Variants in SRBD1 observed in about 807,000 individuals in gnomAD.
SRBD1 encodes the protein S1 RNA binding domain 1, also known as S1 RNA-binding domain-containing protein 1.
In SRBD1, 88 loss-of-function variants were observed where a neutral mutation model predicts 115.3. The ratio of observed to expected loss-of-function variants is 0.76; its 90% CI spans 0.64 to 0.91. The LOEUF (loss-of-function observed/expected upper bound fraction) is 0.91, where lower values mean the gene tolerates loss of function less well. Among genes scored for constraint, SRBD1 ranks in the 40% least tolerant of loss-of-function variants. The probability of loss-of-function intolerance (pLI) is 0.00; values close to 1 mark genes in which losing one functional copy is unlikely to be tolerated. For missense variants in SRBD1, 1,385 were observed against 1,177.4 expected, an observed-to-expected ratio of 1.18 and a Z score of -2.58; for synonymous variants, 509 against 407.7, an observed-to-expected ratio of 1.25 and a Z score of -2.99.
intron 9 of SRBD1, among the ~76,000 whole-genome samples, chr2:45,571,540 A>AAAAAAAAAAAAAAAAAAAC (rs1558486313): frequency 6.8e-6 from 1 of 147,600 alleles, no homozygotes; most frequent in Non-Finnish European, 1.5e-5. Context: ...AAAAAAAAAA[A>AAAAAAAAAAAAAAAAAAAC]AACTGTCCAT....
At chr2:45,447,252 C>T (rs1666564458) in intron 16 of SRBD1, 1 of 152,140 alleles carries the variant, frequency 6.6e-6, no homozygotes, top group Admixed American at 6.6e-5. Flanking sequence ...AGATCAAGAT[C>T]ATCCTGGCCA....
chr2:45,609,553 T>G (rs772164211), intron 1 of SRBD1, among the ~76,000 whole-genome samples: 1 of 152,240 alleles, frequency 6.6e-6, no homozygotes, highest in African/African-American at 2.4e-5. Context: ...CACATTTTTA[T>G]GAGGCCTTTG....
At chr2:45,491,965 G>A (rs1459124900) in intron 14 of SRBD1, among the ~76,000 whole-genome samples, 1 of 129,620 alleles carries the variant, frequency 7.7e-6, no homozygotes. Context: ...AGGATTATAG[G>A]TGCCCACCAT....
intron 8 of SRBD1, 89 bp from the exon 9 acceptor site, chr2:45,573,431 G>T: frequency 2.8e-6 from 4 of 1,440,538 alleles, no homozygotes; most frequent in East Asian, 2.7e-5. Flanking sequence ...AGCAAAAAAA[G>T]TTAAGCCATT....
chr2:45,420,842 T>A (rs1473595802), intron 16 of SRBD1, among the ~76,000 whole-genome samples: 4 of 152,352 alleles, frequency 2.6e-5, no homozygotes, highest in South Asian at 4.1e-4. Flanking sequence ...AGTAGCACTA[T>A]CTTAATCTTT....
intron 15 of SRBD1, among the ~76,000 whole-genome samples, chr2:45,480,452 G>T (rs1669928544): frequency 6.6e-6 from 1 of 152,182 alleles, no homozygotes; most frequent in Non-Finnish European, 1.5e-5. Context: ...GGATGACTTT[G>T]AGGGATTCAA....
At chr2:45,403,206 A>T (rs1047592141) in intron 19 of SRBD1, among the ~76,000 whole-genome samples, 15 of 152,176 alleles carry the variant, frequency 9.9e-5, no homozygotes, top group Non-Finnish European at 1.2e-4. Context: ...TTCAATCCAC[A>T]AGAGATTCTG....
intron 10 of SRBD1, among the ~76,000 whole-genome samples, chr2:45,561,902 CTTAT>C (rs1388723448): frequency 6.6e-6 from 1 of 152,128 alleles, no homozygotes; most frequent in East Asian, 1.9e-4. Context: ...ATACAGAATG[CTTAT>C]TTATATTGTA....
chr2:45,427,159 A>G (rs886146912), intron 16 of SRBD1, among the ~76,000 whole-genome samples: 1 of 152,194 alleles, frequency 6.6e-6, no homozygotes, highest in Non-Finnish European at 1.5e-5. Flanking sequence ...TTGCAATCCT[A>G]GTCTCTAACC....
At chr2:45,389,659 T>C in intron 20 of SRBD1, 60 bp from the exon 21 acceptor site, 1 of 1,504,840 alleles carries the variant, frequency 6.6e-7, no homozygotes, top group Non-Finnish European at 9.0e-7. Flanking sequence ...ACAACATAAC[T>C]TTGTGAATAA....
chr2:45,555,660 GTTTTTGTA>G lies in SRBD1; in HGVS notation c.1410-1938_1410-1931del, dbSNP rs556189188. 6.3e-3 allele frequency among the ~76,000 whole-genome samples: 956 copies of G among 151,664 alleles called. 17 individuals are homozygous for G. Among genetic ancestry groups the G allele is most frequent in the South Asian group, 0.015 (73 of 4,808 alleles). ...CGCCACCATACCCGGCTAATTTTTT[GTTTTTGTA>G]TTTTTAGTAGAGATGGGGTTTCACT... On this transcript the variant is annotated intron_variant, in intron 10 of 20. Coordinates refer to ENST00000263736, the MANE Select transcript of SRBD1 (RefSeq NM_018079.5).
intron 6 of SRBD1, 114 bp downstream of exon 6, chr2:45,581,579 A>C: frequency 1.4e-6 from 1 of 721,892 alleles, no homozygotes. Flanking sequence ...TGTTGCATTA[A>C]ATAATGGTGG....
At chr2:45,511,963 G>A (rs564462213) in intron 14 of SRBD1, among the ~76,000 whole-genome samples, 2 of 152,252 alleles carry the variant, frequency 1.3e-5, no homozygotes, top group African/African-American at 2.4e-5. Context: ...CTCCTTTCTA[G>A]TTGAAATACC....
chr2:45,594,124 C>T (rs1673814752), intron 4 of SRBD1, among the ~76,000 whole-genome samples: 4 of 152,124 alleles, frequency 2.6e-5, no homozygotes, highest in Non-Finnish European at 5.9e-5. Context: ...ATAGGTTAAA[C>T]CTAATAAGTG....
chr2:45,500,275 G>GTC (rs1436472305), intron 14 of SRBD1, among the ~76,000 whole-genome samples: 6 of 149,134 alleles, frequency 4.0e-5, no homozygotes, highest in East Asian at 2.0e-4. Flanking sequence ...TTCTGTGCAT[G>GTC]TCTCTGTGTG....
chr2:45,587,489 TTTA>T (rs1388523192), intron 4 of SRBD1, among the ~76,000 whole-genome samples: 4 of 152,194 alleles, frequency 2.6e-5, no homozygotes, highest in African/African-American at 7.2e-5. Context: ...AGGAGTACGT[TTTA>T]TTATTATTTC....
At chr2:45,519,842 C>T (rs953000248) in intron 14 of SRBD1, among the ~76,000 whole-genome samples, 1 of 152,048 alleles carries the variant, frequency 6.6e-6, no homozygotes, top group Non-Finnish European at 1.5e-5. Flanking sequence ...TCATTTAATC[C>T]TTGCAACAAC....
At chr2:45,440,363 G>A (rs148610546) in intron 16 of SRBD1, among the ~76,000 whole-genome samples, 3 of 152,278 alleles carry the variant, frequency 2.0e-5, no homozygotes, top group African/African-American at 7.2e-5. Context: ...TATGGTGGAC[G>A]AATGATAGGG....
chr2:45,421,246 G>A (rs997548061), intron 16 of SRBD1, among the ~76,000 whole-genome samples: 4 of 151,960 alleles, frequency 2.6e-5, no homozygotes, highest in African/African-American at 9.7e-5. Flanking sequence ...GGTGGCTCAC[G>A]CCTGTAATCT....
Sources: allele counts gnomAD v4.1 joint callset (sites outside exome capture counted in the v4.1 genomes callset), GRCh38; gene constraint gnomAD v4.1.1; transcripts MANE v1.5; gene names NCBI Gene and HGNC (gene_info 2026-07-23, HGNC 2026-07-21).